COX7A2: variants seen among roughly 807,000 people sequenced by gnomAD.
COX7A2 encodes cytochrome c oxidase subunit 7A2, also known as cytochrome c oxidase subunit 7A2, mitochondrial.
In COX7A2, 11 loss-of-function variants were observed where a neutral mutation model predicts 11.6. The ratio of observed to expected loss-of-function variants is 0.95; its 90% CI spans 0.60 to 1.57. The LOEUF (loss-of-function observed/expected upper bound fraction) is 1.57. Ranked by LOEUF, COX7A2 falls within the 40% of genes most tolerant of loss-of-function variation. The pLI, the probability that COX7A2 is intolerant of heterozygous loss-of-function variation, is 0.00. For synonymous variants in COX7A2, 30 were observed against 38.2 expected (o/e 0.78, Z 0.79); for missense variants, 106 against 100.9 (o/e 1.05, Z -0.22).
At position 75,241,264 on chromosome 6, in the gene COX7A2, GC is replaced by G; in HGVS notation, c.19del (p.Ala7LeufsTer10). MLRNLL[A>X]LRQIGQRTIS... ...CGTCCTCTGCCCAATCTGACGAAGAGCCTAAAATGAAAATATTATTAAATAG... is the reference window on the plus strand; with the variant it reads ...CGTCCTCTGCCCAATCTGACGAAGAGCTAAAATGAAAATATTATTAAATAG... On this transcript the variant is annotated frameshift_variant and splice_region_variant, in exon 2 of 4. Coordinates refer to ENST00000684430, the MANE Select transcript of COX7A2 (RefSeq NM_001366293.2). LOFTEE classifies it high-confidence loss of function. 2 of 1,517,632 alleles carry G rather than the reference GC, an allele frequency of 1.3e-6. No individual in the cohort carries two copies. Among genetic ancestry groups the G allele is most frequent in the Non-Finnish European group, 1.8e-6 (2 of 1,117,252 alleles). The allele number at this position is 1,517,632 out of a possible 1,614,324, so 94.0% of individuals were successfully genotyped here.
At chr6:75,240,426 TCACTCA>T in intron 2 of COX7A2, 41 bp from the exon 3 acceptor site, 1 of 1,364,934 alleles carries the variant, frequency 7.3e-7, no homozygotes, top group Non-Finnish European at 1.0e-6. Context: ...AATAAATGTC[TCACTCA>T]TTTCCAACTA....
chr6:75,243,941 G>A (rs927477736), upstream of COX7A2: 1 of 919,608 alleles, frequency 1.1e-6, no homozygotes. Flanking sequence ...CCGGCTCGCC[G>A]TCTCAGTCCC....
intron 1 of COX7A2, 125 bp from the exon 2 acceptor site, chr6:75,241,390 C>T: frequency 1.3e-6 from 1 of 771,520 alleles, no homozygotes; most frequent in African/African-American, 1.7e-5. Flanking sequence ...TTGTCAGCAG[C>T]AAAGTCATGC....
intron 1 of COX7A2, 130 bp downstream of exon 1, chr6:75,243,587 G>A (rs1771592439): frequency 3.8e-6 from 3 of 784,326 alleles, no homozygotes; most frequent in South Asian, 3.1e-5. Context: ...AGGGAAAAAG[G>A]ACACGAATCA....
At chr6:75,245,225 C>G (rs1771654346), upstream of COX7A2, among the ~76,000 whole-genome samples, 1 of 152,222 alleles carries the variant, frequency 6.6e-6, no homozygotes, top group Non-Finnish European at 1.5e-5. Flanking sequence ...GGCGCAGTGG[C>G]TCACGCCTGT....
chr6:75,237,856 C>T lies in COX7A2; in HGVS notation c.*74G>A, dbSNP rs1430992156. On this transcript the variant is annotated 3_prime_UTR_variant, in exon 4 of 4. Coordinates refer to ENST00000684430, the MANE Select transcript of COX7A2 (RefSeq NM_001366293.2). ...AAATATTGATCCCCAAAGAAGAGCT[C>T]GGTTATTTATCAGATTACTGGTCCA... The T allele has an allele frequency of 3.5e-6, 4 of 1,130,720 alleles. No individual in the cohort carries two copies. Among genetic ancestry groups the T allele is most frequent in the Admixed American group, 1.9e-5 (1 of 53,216 alleles). The allele number at this position is 1,130,720 out of a possible 1,614,324, so 70.0% of individuals were successfully genotyped here.
Position 75,237,814 on chromosome 6 carries a change from A to T in COX7A2, c.*116T>A. ...TGGTAAAGACTGCTTTATTGGTGGC[A>T]GTTACTACAAGTCAATAAATATTGA... On this transcript the variant is annotated 3_prime_UTR_variant, in exon 4 of 4. Transcript: ENST00000684430. 1 of 617,284 alleles carries T rather than the reference A, an allele frequency of 1.6e-6. No individual in the cohort carries two copies. The highest frequency in any genetic ancestry group is 2.8e-6 in the Non-Finnish European group (1 of 354,312). The allele number at this position is 617,284 out of a possible 1,614,324, so 38.2% of individuals were successfully genotyped here.
chr6:75,243,608 A>G, intron 1 of COX7A2, 109 bp downstream of exon 1: 1 of 1,001,634 alleles, frequency 1.0e-6, no homozygotes, highest in South Asian at 1.4e-5. Flanking sequence ...AGGTGACTTC[A>G]TTAGCCGCCT....
upstream of COX7A2, among the ~76,000 whole-genome samples, chr6:75,244,720 A>G (rs1458042296): frequency 1.3e-5 from 2 of 152,236 alleles, no homozygotes; most frequent in African/African-American, 4.8e-5. Flanking sequence ...CCATAGTTTC[A>G]GCAAAGGATA....
intron 3 of COX7A2, among the ~76,000 whole-genome samples, chr6:75,238,974 C>T (rs1771407581): frequency 6.6e-6 from 1 of 151,796 alleles, no homozygotes; most frequent in Admixed American, 6.6e-5. Flanking sequence ...GCCATCACAC[C>T]CGACTCATTT....
chr6:75,246,092 C>T (rs768553170), upstream of COX7A2, among the ~76,000 whole-genome samples: 6 of 152,064 alleles, frequency 3.9e-5, no homozygotes, highest in Non-Finnish European at 7.4e-5. Context: ...ACTACTACTC[C>T]CACTTCCTGT....
chr6:75,243,810 C>T, upstream of COX7A2: 3 of 1,614,116 alleles, frequency 1.9e-6, no homozygotes, highest in African/African-American at 1.3e-5. Context: ...CCGGAACTAC[C>T]TCCGAGTCTT....
At chr6:75,248,579 C>G (rs1771727550), upstream of COX7A2, among the ~76,000 whole-genome samples, 1 of 152,180 alleles carries the variant, frequency 6.6e-6, no homozygotes, top group South Asian at 2.1e-4. Context: ...TCATGCCTCC[C>G]AAAAATATAT....
intron 1 of COX7A2, among the ~76,000 whole-genome samples, chr6:75,242,641 G>GA (rs1178579594): frequency 3.3e-5 from 5 of 152,206 alleles, no homozygotes; most frequent in Admixed American, 6.5e-5. Flanking sequence ...CCAACATGGT[G>GA]AAACCCCGTC....
upstream of COX7A2, among the ~76,000 whole-genome samples, chr6:75,246,494 C>T (rs1212873640): frequency 6.6e-6 from 1 of 152,168 alleles, no homozygotes; most frequent in Non-Finnish European, 1.5e-5. Flanking sequence ...ACGGGTTTCC[C>T]TGTTTCCACT....
At chr6:75,247,223 T>C (rs1227300504), upstream of COX7A2, among the ~76,000 whole-genome samples, 1 of 152,186 alleles carries the variant, frequency 6.6e-6, no homozygotes, top group African/African-American at 2.4e-5. Flanking sequence ...TTTCCTTTTT[T>C]TCCTTGTCTG....
chr6:75,243,502 C>A (rs911894776), intron 1 of COX7A2, among the ~76,000 whole-genome samples: 1 of 152,108 alleles, frequency 6.6e-6, no homozygotes, highest in Non-Finnish European at 1.5e-5. Flanking sequence ...GGTCACTTCC[C>A]CAGCCTCTCC....
chr6:75,237,836 T>C lies in COX7A2; in HGVS notation c.*94A>G, dbSNP rs1460229819. The C allele has an allele frequency of 1.0e-5, 9 of 879,452 alleles. No individual in the cohort carries two copies. The highest frequency in any genetic ancestry group is 2.2e-5 in the Admixed American group (1 of 46,406). 54.5% of individuals were successfully genotyped at this position (879,452 alleles called of 1,614,324 possible). ...GGCAGTTACTACAAGTCAATAAATA[T>C]TGATCCCCAAAGAAGAGCTCGGTTA... On this transcript the variant is annotated 3_prime_UTR_variant, in exon 4 of 4. Coordinates refer to ENST00000684430, the MANE Select transcript of COX7A2 (RefSeq NM_001366293.2).
chr6:75,243,868 G>A (rs1032070348), upstream of COX7A2: 1 of 1,589,404 alleles, frequency 6.3e-7, no homozygotes, highest in Non-Finnish European at 8.6e-7. Flanking sequence ...AGAGAGGCTT[G>A]CGCTCCTAAC....
Sources: gnomAD v4.1 joint callset for allele counts (sites outside exome capture counted in the v4.1 genomes callset) on GRCh38, gnomAD v4.1.1 for gene constraint, MANE v1.5 for transcripts, NCBI Gene and HGNC (gene_info 2026-07-23, HGNC 2026-07-21) for gene names.